MYO1D: variants seen among roughly 807,000 people sequenced by gnomAD.
MYO1D encodes unconventional myosin-Id.
In MYO1D, 83 loss-of-function variants were observed where a neutral mutation model predicts 122.0. The observed-to-expected ratio is 0.68, with a 90% CI of 0.57 to 0.82. MYO1D has a LOEUF of 0.82. MYO1D is among the 40% of genes least tolerant of loss of function. The pLI is 0.00. For synonymous variants in MYO1D, 464 were observed against 446.9 expected (o/e 1.04, Z -0.48); for missense variants, 1,157 against 1,269.5 (o/e 0.91, Z 1.35).
chr17:32,588,393 C>T (rs1597914170), intron 21 of MYO1D, among the ~76,000 whole-genome samples: 2 of 152,292 alleles, frequency 1.3e-5, no homozygotes, highest in South Asian at 2.1e-4. Flanking sequence ...CTTCTCTGAT[C>T]GTTCAAAATA....
intron 4 of MYO1D, among the ~76,000 whole-genome samples, chr17:32,775,231 G>A (rs969305844): frequency 1.3e-5 from 2 of 152,144 alleles, no homozygotes; most frequent in African/African-American, 2.4e-5. Flanking sequence ...AGCCTGGGGG[G>A]TTGAGGCTGC....
intron 20 of MYO1D, among the ~76,000 whole-genome samples, chr17:32,632,955 C>A (rs866232354): frequency 2.0e-5 from 3 of 151,968 alleles, no homozygotes; most frequent in Admixed American, 1.3e-4. Context: ...TGATCTCCCC[C>A]GCACAGAACA....
intron 21 of MYO1D, among the ~76,000 whole-genome samples, chr17:32,526,051 T>A (rs1310162449): frequency 6.6e-6 from 1 of 152,242 alleles, no homozygotes; most frequent in African/African-American, 2.4e-5. Context: ...TTTTCCTCAA[T>A]ATTGGCATCA....
intron 20 of MYO1D, among the ~76,000 whole-genome samples, chr17:32,606,475 A>G (rs1016062388): frequency 6.6e-5 from 10 of 152,256 alleles, no homozygotes; most frequent in African/African-American, 2.4e-5. Context: ...TAAATCCAAC[A>G]ATACATAAAA....
At chr17:32,613,339 A>G (rs2087727479) in intron 20 of MYO1D, among the ~76,000 whole-genome samples, 1 of 152,164 alleles carries the variant, frequency 6.6e-6, no homozygotes, top group Non-Finnish European at 1.5e-5. Context: ...TCTCATACAC[A>G]AAAACAAACA....
At position 32,494,582 on chromosome 17, in the gene MYO1D, A is replaced by G; in HGVS notation, c.*177T>C. 1.3e-6 allele frequency: 1 copy of G among 766,084 alleles called. No individual in the cohort carries two copies. Among genetic ancestry groups the G allele is most frequent in the Middle Eastern group, 3.8e-4 (1 of 2,636 alleles). 47.5% of individuals were successfully genotyped at this position (766,084 alleles called of 1,614,324 possible). Reference sequence around the variant, plus strand: ...TGAACAGGGACCGTGGACAGTAAGGACAGAGGAAGATGATACCAAAGGCAG... The same window carrying G: ...TGAACAGGGACCGTGGACAGTAAGGGCAGAGGAAGATGATACCAAAGGCAG... On this transcript the variant is annotated 3_prime_UTR_variant, in exon 22 of 22. Transcript: ENST00000318217.
chr17:32,640,431 C>T (rs554861072), intron 19 of MYO1D, among the ~76,000 whole-genome samples: 73 of 148,782 alleles, frequency 4.9e-4, no homozygotes, highest in Admixed American at 1.1e-3. Flanking sequence ...CCCACTAACT[C>T]GTCATCTAGC....
At chr17:32,710,114 T>A (rs763620827) in intron 16 of MYO1D, among the ~76,000 whole-genome samples, 1 of 152,192 alleles carries the variant, frequency 6.6e-6, no homozygotes, top group African/African-American at 2.4e-5. Context: ...GGTCTATGTA[T>A]AGGTTAATCA....
intron 21 of MYO1D, among the ~76,000 whole-genome samples, chr17:32,566,558 C>T (rs2087175443): frequency 6.6e-6 from 1 of 151,884 alleles, no homozygotes; most frequent in African/African-American, 2.4e-5. Flanking sequence ...TGGGAGTGAC[C>T]TCAGACCTGA....
At position 32,577,664 on chromosome 17, in the gene MYO1D, A is replaced by G. The variant is rs540262657; in HGVS notation, c.2864+27423T>C. ...AAAAAAAGAATGTGATTTAGCTTTC[A>G]CTAGTAAGAGTTGAAAATAGAGCAT... On this transcript the variant is annotated intron_variant, in intron 21 of 21. Coordinates refer to ENST00000318217, the MANE Select transcript of MYO1D (RefSeq NM_015194.3). 2.6e-5 allele frequency among the ~76,000 whole-genome samples: 4 copies of G among 152,128 alleles called. No homozygotes were observed. The East Asian group carries it at 5.8e-4, about 22-fold the overall frequency.
rs1205679858 is a variant in MYO1D at position 32,861,068 on chromosome 17, C to CTT, written c.95+15708_95+15709dup. ...CGTCTGGGCTGTATTGGTGTTTATT[C>CTT]TTTTTTTTTTTTTTTTTGGAAACGG... On this transcript the variant is annotated intron_variant, in intron 1 of 21. Transcript: ENST00000318217. 7.6e-4 allele frequency among the ~76,000 whole-genome samples: 103 copies of CTT among 135,730 alleles called. 1 individual carries two copies. Among genetic ancestry groups the CTT allele is most frequent in the African/African-American group, 2.1e-3 (76 of 36,758 alleles). 89.0% of individuals were successfully genotyped at this position (135,730 alleles called of 152,430 possible).
chr17:32,753,474 C>A (rs937990727), intron 11 of MYO1D, among the ~76,000 whole-genome samples: 1 of 152,184 alleles, frequency 6.6e-6, no homozygotes, highest in Non-Finnish European at 1.5e-5. Flanking sequence ...GCCACTTGGT[C>A]TGAAAGTTGG....
At chr17:32,785,823 T>C (rs1257566048) in intron 1 of MYO1D, among the ~76,000 whole-genome samples, 1 of 152,156 alleles carries the variant, frequency 6.6e-6, no homozygotes, top group Non-Finnish European at 1.5e-5. Flanking sequence ...TTCTCTAGGG[T>C]TGAGTCTAGT....
intron 1 of MYO1D, among the ~76,000 whole-genome samples, chr17:32,876,244 C>T (rs1349507745): frequency 2.0e-5 from 3 of 151,990 alleles, no homozygotes; most frequent in Non-Finnish European, 4.4e-5. Flanking sequence ...CCATAGCATC[C>T]TGAATGACAG....
At chr17:32,645,785 A>T (rs2088283353) in intron 19 of MYO1D, among the ~76,000 whole-genome samples, 1 of 152,082 alleles carries the variant, frequency 6.6e-6, no homozygotes, top group African/African-American at 2.4e-5. Context: ...TGCATTGGTT[A>T]TTCTAGTTAG....
At chr17:32,704,045 T>C (rs1019197447) in intron 16 of MYO1D, among the ~76,000 whole-genome samples, 3 of 152,230 alleles carry the variant, frequency 2.0e-5, no homozygotes, top group Non-Finnish European at 4.4e-5. Flanking sequence ...ATCCACGTGT[T>C]TGCTGCTGAA....
chr17:32,603,481 G>A (rs2087586063), intron 21 of MYO1D, among the ~76,000 whole-genome samples: 1 of 150,108 alleles, frequency 6.7e-6, no homozygotes, highest in Non-Finnish European at 1.5e-5. Context: ...GACATTTATT[G>A]CAGAGATGCC....
chr17:32,818,051 G>A (rs960641840), intron 1 of MYO1D, among the ~76,000 whole-genome samples: 6 of 143,066 alleles, frequency 4.2e-5, no homozygotes, highest in Non-Finnish European at 7.6e-5. Flanking sequence ...GCGTGAACCC[G>A]GGAGGCGGAG....
chr17:32,549,906 A>C (rs1024193961), intron 21 of MYO1D, among the ~76,000 whole-genome samples: 1 of 152,192 alleles, frequency 6.6e-6, no homozygotes, highest in African/African-American at 2.4e-5. Context: ...TTTCAATCCA[A>C]TGAAGTTGAC....
Sources: allele counts gnomAD v4.1 joint callset (sites outside exome capture counted in the v4.1 genomes callset), GRCh38; gene constraint gnomAD v4.1.1; transcripts MANE v1.5; gene names NCBI Gene and HGNC (gene_info 2026-07-23, HGNC 2026-07-21).